Variants in MYH11 observed in about 807,000 individuals in gnomAD.
MYH11 encodes myosin-11.
A neutral mutation model predicts 246.6 loss-of-function variants in MYH11; 80 were observed. The observed-to-expected ratio is 0.32, with a 90% CI of 0.27 to 0.39. The LOEUF (loss-of-function observed/expected upper bound fraction) is 0.39, where lower values mean the gene tolerates loss of function less well. Among genes scored for constraint, MYH11 ranks in the 10% least tolerant of loss-of-function variants. MYH11 has a pLI of 1.00. For synonymous variants in MYH11, 1,071 were observed against 1,015.5 expected (o/e 1.05, Z -1.04); for missense variants, 2,158 against 2,546.8 (o/e 0.85, Z 3.29).
At chr16:15,705,871 C>G (rs1271293643) in intron 40 of MYH11, among the ~76,000 whole-genome samples, 1 of 149,850 alleles carries the variant, frequency 6.7e-6, no homozygotes, top group Non-Finnish European at 1.5e-5. Context: ...GTCCCAGCTA[C>G]TCGGGAGGGA....
At chr16:15,813,356 A>G (rs1295246121) in intron 3 of MYH11, among the ~76,000 whole-genome samples, 2 of 152,186 alleles carry the variant, frequency 1.3e-5, no homozygotes, top group African/African-American at 4.8e-5. Flanking sequence ...CTCTAAAAAA[A>G]GCAAAAACAA....
intron 9 of MYH11, among the ~76,000 whole-genome samples, chr16:15,768,976 C>A (rs770268231): frequency 6.6e-6 from 1 of 151,496 alleles, no homozygotes; most frequent in African/African-American, 2.4e-5. Flanking sequence ...CATGGTGAAG[C>A]CTTGTCTCTA....
intron 3 of MYH11, among the ~76,000 whole-genome samples, chr16:15,815,282 T>C (rs575358079): frequency 2.1e-3 from 323 of 152,314 alleles, no homozygotes; most frequent in Non-Finnish European, 3.9e-3. Context: ...TAGGAAAATA[T>C]GTATCTTGGA....
At chr16:15,807,612 G>A (rs918028121) in intron 3 of MYH11, among the ~76,000 whole-genome samples, 22 of 152,236 alleles carry the variant, frequency 1.4e-4, no homozygotes, top group Middle Eastern at 3.4e-3. Context: ...AGCCTCCGTG[G>A]AGTCTGGGAA....
chr16:15,726,779 A>G (rs2040784002), intron 28 of MYH11, 69 bp downstream of exon 28: 8 of 1,568,518 alleles, frequency 5.1e-6, no homozygotes, highest in Non-Finnish European at 6.1e-6. Flanking sequence ...CGAGCCGGGA[A>G]GAGGCTCCTC....
intron 3 of MYH11, among the ~76,000 whole-genome samples, chr16:15,808,105 G>A (rs11865453): frequency 0.011 from 1,692 of 152,304 alleles, 37 homozygotes; most frequent in African/African-American, 0.039. Context: ...AAAGAAGAAA[G>A]GTCTCAGCCT....
intron 14 of MYH11, among the ~76,000 whole-genome samples, chr16:15,754,394 A>C (rs1001505768): frequency 5.3e-5 from 8 of 152,188 alleles, no homozygotes; most frequent in African/African-American, 1.9e-4. Flanking sequence ...TACTATGGTG[A>C]ATATTAAATG....
intron 19 of MYH11, among the ~76,000 whole-genome samples, chr16:15,745,679 C>T (rs1241748110): frequency 6.7e-6 from 1 of 150,186 alleles, no homozygotes; most frequent in Non-Finnish European, 1.5e-5. Flanking sequence ...ACTCCACCTC[C>T]GGGGTTCAAG....
chr16:15,734,356 TG>T (rs2041053493), intron 26 of MYH11, among the ~76,000 whole-genome samples: 1 of 152,126 alleles, frequency 6.6e-6, no homozygotes, highest in African/African-American at 2.4e-5. Flanking sequence ...TGGAGTGCGA[TG>T]GTGCGATCTC....
chr16:15,744,771 G>C (rs866135205), intron 20 of MYH11, among the ~76,000 whole-genome samples: 1 of 152,240 alleles, frequency 6.6e-6, no homozygotes, highest in Admixed American at 6.5e-5. Context: ...CCAAAGTGCT[G>C]GGATTACAGG....
rs142227497 is a variant in MYH11, at chr16:15,726,889, G to A, written c.3817C>T (p.Arg1273Trp). The A allele has an allele frequency of 1.9e-5, 31 of 1,612,052 alleles. No homozygotes were observed. Among genetic ancestry groups the A allele is most frequent in the African/African-American group, 8.0e-5 (6 of 74,838 alleles). Residue 1273 changes from arginine (R) to tryptophan (W), a missense_variant, in exon 28 of 41, where the codon CGG (arginine) becomes TGG (tryptophan). By Grantham distance (101) the Arg-to-Trp change is moderately radical (BLOSUM62 -3). Around this residue, in one of 11 missense-constraint regions of MYH11, gnomAD observed 1,013 missense variants for 993.5 expected, o/e 1.02. Transcript: ENST00000300036. ...ELQSKCSDGE[R>W]ARAELNDKVH... is the part of the protein sequence containing the mutation. ...TTGTCATTGAGCTCCGCCCGGGCCCGCTCCCCATCGCTGCACTTGGACTGC... is the reference window on the plus strand; with the variant it reads ...TTGTCATTGAGCTCCGCCCGGGCCCACTCCCCATCGCTGCACTTGGACTGC...
intron 20 of MYH11, among the ~76,000 whole-genome samples, chr16:15,742,431 T>A (rs1468005757): frequency 1.3e-5 from 2 of 152,232 alleles, no homozygotes; most frequent in Admixed American, 6.5e-5. Flanking sequence ...TTGTAGAGGC[T>A]GCTTTTATTA....
At chr16:15,849,362 T>C (rs1180913177) in intron 1 of MYH11, among the ~76,000 whole-genome samples, 1 of 152,196 alleles carries the variant, frequency 6.6e-6, no homozygotes, top group Non-Finnish European at 1.5e-5. Context: ...AACAAATGAC[T>C]CTGTCACCTT....
chr16:15,738,852 C>T (rs1480665466), intron 23 of MYH11, among the ~76,000 whole-genome samples, 164 bp from the exon 24 acceptor site: 1 of 152,082 alleles, frequency 6.6e-6, no homozygotes, highest in Non-Finnish European at 1.5e-5. Context: ...TAACAATTTC[C>T]AAAAACTGGC....
intron 38 of MYH11, among the ~76,000 whole-genome samples, chr16:15,715,957 C>T (rs1354010012): frequency 1.3e-5 from 2 of 152,088 alleles, no homozygotes; most frequent in East Asian, 3.9e-4. Flanking sequence ...GAAACCCCAT[C>T]CCTACTAAAA....
chr16:15,802,875 G>A (rs1229934052), intron 3 of MYH11, among the ~76,000 whole-genome samples: 2 of 152,166 alleles, frequency 1.3e-5, no homozygotes, highest in East Asian at 1.9e-4. Context: ...AGGAGGCCGG[G>A]CGTGGTGGCT....
intron 9 of MYH11, among the ~76,000 whole-genome samples, chr16:15,767,924 T>TA (rs60729580): frequency 0.013 from 1,947 of 146,636 alleles, 31 homozygotes; most frequent in African/African-American, 0.044. Flanking sequence ...TCTTGTCTTT[T>TA]AAAAAAAAAA....
At chr16:15,719,144 T>A in intron 36 of MYH11, 76 bp downstream of exon 36, 1 of 1,444,558 alleles carries the variant, frequency 6.9e-7, no homozygotes, top group East Asian at 2.3e-5. Context: ...ATTTAAAAAA[T>A]AAAATGGGGG....
At chr16:15,713,204 A>C (rs369794522) in intron 40 of MYH11, 3 of 152,050 alleles carry the variant, frequency 2.0e-5, no homozygotes, top group African/African-American at 7.3e-5. Context: ...GTCGGGTCCA[A>C]TGGAGGTGTT....
Sources: allele counts gnomAD v4.1 joint callset (sites outside exome capture counted in the v4.1 genomes callset), GRCh38; gene constraint gnomAD v4.1.1; regional missense constraint gnomAD v4.1.1; transcripts MANE v1.5; gene names NCBI Gene and HGNC (gene_info 2026-07-23, HGNC 2026-07-21).